Variants in BORCS8 observed in about 807,000 individuals in gnomAD.
The protein encoded by BORCS8 is BLOC-1 related complex subunit 8, also known as BLOC-1-related complex subunit 8.
BORCS8 carries 13 observed loss-of-function variants against 18.7 expected under a neutral mutation model. The observed-to-expected ratio is 0.70, with a 90% CI of 0.45 to 1.11. BORCS8 has a LOEUF of 1.11. Among genes scored for constraint, BORCS8 ranks in the 50% least tolerant of loss-of-function variants. The pLI is 0.00. For synonymous variants in BORCS8, 68 were observed against 64.8 expected, an observed-to-expected ratio of 1.05 and a Z score of -0.24; for missense variants, 165 against 165.7, an observed-to-expected ratio of 1.00 and a Z score of 0.02.
At chr19:19,186,487 TC>T (rs1168088609) in intron 2 of BORCS8, among the ~76,000 whole-genome samples, 2 of 152,172 alleles carry the variant, frequency 1.3e-5, no homozygotes, top group Non-Finnish European at 2.9e-5. Flanking sequence ...TAGAGGTGGT[TC>T]CCCTCATCCT....
Position 19,182,943 on chromosome 19 carries a change from C to G in BORCS8, c.216-260G>C, listed in dbSNP as rs1219046820. On this transcript the variant is annotated intron_variant, in intron 3 of 5. Transcript: ENST00000462790. This position sits in a 1 kb window ranked among gnomAD's most constrained non-coding sequence, Gnocchi z 4.1. ...TGTATAAAGATGTCATAAAAAATAT[C>G]TCGGCCATTACTGCTGATAATGGGG... Among the ~76,000 whole-genome samples, 1 of 152,178 alleles carries G rather than the reference C, an allele frequency of 6.6e-6. No homozygotes were observed. Among genetic ancestry groups the G allele is most frequent in the African/African-American group, 2.4e-5 (1 of 41,438 alleles).
chr19:19,178,336 T>C (rs1364552850), intron 5 of BORCS8: 1 of 152,482 alleles, frequency 6.6e-6, no homozygotes, highest in African/African-American at 2.4e-5. Flanking sequence ...CTTCAGTCTC[T>C]GCCTGGCCCA....
chr19:19,180,871 G>C, intron 4 of BORCS8, 110 bp from the exon 5 acceptor site: 1 of 1,186,516 alleles, frequency 8.4e-7, no homozygotes, highest in Non-Finnish European at 1.2e-6. Flanking sequence ...AAGACCTCTG[G>C]CTTGAGCTTC....
intron 1 of BORCS8, among the ~76,000 whole-genome samples, chr19:19,189,937 C>A (rs2060449484): frequency 6.6e-6 from 1 of 151,828 alleles, no homozygotes; most frequent in African/African-American, 2.4e-5. Context: ...AAATTAAATG[C>A]CCGTATGTGA....
At chr19:19,189,761 G>A (rs1027764322) in intron 1 of BORCS8, among the ~76,000 whole-genome samples, 5 of 152,004 alleles carry the variant, frequency 3.3e-5, no homozygotes, top group Non-Finnish European at 7.4e-5. Context: ...ATAAAAAATT[G>A]CAAAAATAAG....
At chr19:19,177,696 G>GGAAGGAAGGA (rs1376064847) in intron 5 of BORCS8, 3 of 74,648 alleles carry the variant, frequency 4.0e-5, no homozygotes, top group African/African-American at 1.0e-4. Flanking sequence ...AAGGAAGGAA[G>GGAAGGAAGGA]AGAAAAGAAA....
rs1012332857 is a variant in BORCS8, at chr19:19,181,480, A to G, written c.327-719T>C. Among the ~76,000 whole-genome samples the G allele has an allele frequency of 3.3e-5, 5 of 152,350 alleles. No homozygotes were observed. In the South Asian group the frequency reaches 1.0e-3, roughly 32 times the overall value. ...TCAGCAGCAACTCAAGCTGCTACTA[A>G]TATCTTTCAGGAGTGTGTTGCGTTT... On this transcript the variant is annotated intron_variant, in intron 4 of 5. Coordinates refer to ENST00000462790, the MANE Select transcript of BORCS8 (RefSeq NM_001145784.2).
At chr19:19,190,434 A>G (rs2060455062) in intron 1 of BORCS8, among the ~76,000 whole-genome samples, 1 of 152,234 alleles carries the variant, frequency 6.6e-6, no homozygotes, top group Non-Finnish European at 1.5e-5. Context: ...TGAGTGGCAG[A>G]GCCCAGCCTG....
chr19:19,182,815 G>T lies in BORCS8; in HGVS notation c.216-132C>A. 2 of 1,202,244 alleles carry T rather than the reference G, an allele frequency of 1.7e-6. No individual in the cohort carries two copies. Among genetic ancestry groups the T allele is most frequent in the Non-Finnish European group, 2.3e-6 (2 of 888,048 alleles). The allele number at this position is 1,202,244 out of a possible 1,614,324, so 74.5% of individuals were successfully genotyped here. On this transcript the variant is annotated intron_variant, in intron 3 of 5. Transcript: ENST00000462790. This position sits in a 1 kb window ranked among gnomAD's most constrained non-coding sequence, Gnocchi z 4.1. ...CTGCGGGCTTCCCGAAGGACTCACA[G>T]TGGGCTTACATTTTAGATTTCCCTG...
intron 3 of BORCS8, among the ~76,000 whole-genome samples, chr19:19,185,356 T>C (rs1363538689): frequency 1.3e-5 from 2 of 152,140 alleles, no homozygotes; most frequent in African/African-American, 4.8e-5. Context: ...TCACGAGGAA[T>C]GGAACCAAAG....
chr19:19,181,322 T>C (rs2060347647), intron 4 of BORCS8, among the ~76,000 whole-genome samples: 1 of 152,136 alleles, frequency 6.6e-6, no homozygotes, highest in Admixed American at 6.6e-5. Context: ...GAATGTATCA[T>C]GACCCCATCT....
rs1020801191 is a variant in BORCS8 at position 19,182,759 on chromosome 19, C to A, written c.216-76G>T. ...TCCCACACCCCAGCACTTGAGGTCA[C>A]CACCAGGGCTCGGTGGGTACCTCAG... is the stretch of plus-strand genomic sequence containing the variant. On this transcript the variant is annotated intron_variant, in intron 3 of 5. Transcript: ENST00000462790. The surrounding 1 kb of genome is among the most constrained non-coding windows in gnomAD (Gnocchi z 4.1). 9 of 1,467,328 alleles carry A rather than the reference C, an allele frequency of 6.1e-6. No homozygotes were observed. The African/African-American group carries it at 9.8e-5, about 16-fold the overall frequency. 90.9% of individuals were successfully genotyped at this position (1,467,328 alleles called of 1,614,324 possible). A position where few individuals can be genotyped will look rare whatever the true frequency, so the allele number is the denominator to read the frequency against.
chr19:19,177,167 C>T lies in BORCS8; in HGVS notation c.*336G>A, dbSNP rs150516343. On this transcript the variant is annotated 3_prime_UTR_variant, in exon 6 of 6. Coordinates refer to ENST00000462790, the MANE Select transcript of BORCS8 (RefSeq NM_001145784.2). Reference sequence around the variant, plus strand: ...ACAAGGGAGCTCTGATTGGCCAGGCCGAGGTGCCACATCCACCACTGGAAC... The same window carrying T: ...ACAAGGGAGCTCTGATTGGCCAGGCTGAGGTGCCACATCCACCACTGGAAC... The T allele has an allele frequency of 2.0e-5, 3 of 152,278 alleles. No individual in the cohort carries two copies. Among genetic ancestry groups the T allele is most frequent in the Non-Finnish European group, 2.9e-5 (2 of 68,058 alleles). The allele number at this position is 152,278 out of a possible 1,614,324, so 9.4% of individuals were successfully genotyped here.
chr19:19,181,401 C>T (rs941061313), intron 4 of BORCS8, among the ~76,000 whole-genome samples: 1 of 152,198 alleles, frequency 6.6e-6, no homozygotes, highest in Non-Finnish European at 1.5e-5. Context: ...ACGTCTGCAA[C>T]TCACTCACAC....
intron 1 of BORCS8, among the ~76,000 whole-genome samples, chr19:19,188,586 C>T (rs2060434119): frequency 6.6e-6 from 1 of 152,170 alleles, no homozygotes; most frequent in East Asian, 1.9e-4. Context: ...GCCCACAGGA[C>T]CTGAAAGTGC....
chr19:19,186,096 T>G lies in BORCS8; in HGVS notation c.153A>C (p.Ala51=). Residue 51 remains alanine, a splice_region_variant and synonymous_variant, in exon 3 of 6, where the codon GCA becomes GCC. Transcript: ENST00000462790. ...TCTGCTCCTCCCAACGCTGCATGTCTGCCTGTAGGGGGCGCAGGAGATATT... is the reference window on the plus strand; with the variant it reads ...TCTGCTCCTCCCAACGCTGCATGTCGGCCTGTAGGGGGCGCAGGAGATATT... The part of the protein sequence containing the change: ...RSLPELAQHK[A]DMQRWEEQSQ... 1 of 1,551,512 alleles carries G rather than the reference T, an allele frequency of 6.4e-7. No homozygotes were observed. The highest frequency in any genetic ancestry group is 8.7e-7 in the Non-Finnish European group (1 of 1,146,978).
At position 19,192,121 on chromosome 19, in the gene BORCS8, G is replaced by A. The variant is rs778567489; in HGVS notation, c.-4C>T. The A allele has an allele frequency of 1.3e-6, 2 of 1,551,036 alleles. No individual in the cohort carries two copies. Among genetic ancestry groups the A allele is most frequent in the Admixed American group, 2.0e-5 (1 of 50,956 alleles). ...GCTGCATCTCCGGCTCCTCCATAGC[G>A]ACCGCGGCCGAGCGAACCGGGAAAC... On this transcript the variant is annotated 5_prime_UTR_variant, in exon 1 of 6. Coordinates refer to ENST00000462790, the MANE Select transcript of BORCS8 (RefSeq NM_001145784.2).
chr19:19,181,870 CAT>C, intron 4 of BORCS8: 20 of 985,456 alleles, frequency 2.0e-5, no homozygotes, highest in Non-Finnish European at 2.2e-5. Flanking sequence ...GCTCCTGGCA[CAT>C]GAGTGTGTGT....
Position 19,182,646 on chromosome 19 carries a change from G to T in BORCS8, c.253C>A (p.Arg85Ser). 1 of 1,551,200 alleles carries T rather than the reference G, an allele frequency of 6.4e-7. No individual in the cohort carries two copies. The highest frequency in any genetic ancestry group is 8.7e-7 in the Non-Finnish European group (1 of 1,146,918). ...TGTTTGAGCAGACCCTCCACGCTGC[G>T]GAAGTAGACGCTGCTGTCCACCAGG... is the stretch of plus-strand genomic sequence containing the variant. ...KNLVDSSVYF[R>S]SVEGLLKQAI... Residue 85 changes from arginine to serine, a missense_variant, in exon 4 of 6, where the codon CGC (arginine) becomes AGC (serine). Arg to Ser is a moderately radical substitution (Grantham distance 110, BLOSUM62 -1). Coordinates refer to ENST00000462790, the MANE Select transcript of BORCS8 (RefSeq NM_001145784.2). The surrounding 1 kb of genome is among the most constrained non-coding windows in gnomAD (Gnocchi z 4.1).
Sources: allele counts gnomAD v4.1 joint callset (sites outside exome capture counted in the v4.1 genomes callset), GRCh38; gene constraint gnomAD v4.1.1; non-coding constraint Gnocchi (gnomAD v3.1); transcripts MANE v1.5; gene names NCBI Gene and HGNC (gene_info 2026-07-23, HGNC 2026-07-21).